The following MICAL3 variants were observed in gnomAD, a reference collection of about 807,000 sequenced individuals.
MICAL3 encodes the protein [F-actin]-monooxygenase MICAL3.
In MICAL3, 62 loss-of-function variants were observed where a neutral mutation model predicts 207.4. The observed-to-expected ratio is 0.30, with a 90% CI of 0.24 to 0.37. The LOEUF (loss-of-function observed/expected upper bound fraction) is 0.37. MICAL3 is among the 10% of genes least tolerant of loss of function. The pLI, the probability that MICAL3 is intolerant of heterozygous loss-of-function variation, is 1.00. For synonymous variants in MICAL3, 1,077 were observed against 1,069.3 expected (o/e 1.01, Z -0.14); for missense variants, 2,368 against 2,635.6 (o/e 0.90, Z 2.22).
At chr22:17,877,301 G>A (rs180788681) in intron 16 of MICAL3, among the ~76,000 whole-genome samples, 116 of 93,554 alleles carry the variant, frequency 1.2e-3, no homozygotes, top group African/African-American at 3.1e-3. Flanking sequence ...AGGTTAGGGA[G>A]GTTATGGAGG....
chr22:17,973,657 G>A (rs535788687), intron 1 of MICAL3, among the ~76,000 whole-genome samples: 57 of 152,312 alleles, frequency 3.7e-4, no homozygotes, highest in African/African-American at 1.3e-3. Context: ...GGCCAAGTGC[G>A]ATGGCTCACA....
chr22:17,817,894 G>A lies in MICAL3; in HGVS notation c.4767C>T (p.Ala1589=). ...KRGLPLVSAE[A]KELAEERMRA... Reference sequence around the variant, plus strand: ...GCATGCGCTCCTCGGCCAACTCCTTGGCTTCCGCGGACACCAAGGGCAGCC... The same window carrying A: ...GCATGCGCTCCTCGGCCAACTCCTTAGCTTCCGCGGACACCAAGGGCAGCC... The change falls in exon 26 of 32, where the codon GCC becomes GCT. Residue 1589 remains alanine (A), a synonymous_variant. Coordinates refer to ENST00000441493, the MANE Select transcript of MICAL3 (RefSeq NM_015241.3). 6.2e-7 allele frequency: 1 copy of A among 1,612,428 alleles called. No individual in the cohort carries two copies. The highest frequency in any genetic ancestry group is 1.3e-5 in the African/African-American group (1 of 75,038).
intron 27 of MICAL3, 191 bp from the exon 28 acceptor site, chr22:17,811,004 G>C (rs1043510284): frequency 5.4e-6 from 3 of 558,764 alleles, no homozygotes; most frequent in African/African-American, 3.8e-5. Flanking sequence ...GAAGGCATGA[G>C]GTCTGCAGAG....
chr22:17,895,503 C>G, intron 9 of MICAL3, 93 bp from the exon 10 acceptor site: 2 of 1,352,742 alleles, frequency 1.5e-6, no homozygotes, highest in Non-Finnish European at 2.1e-6. Flanking sequence ...CAGCAAGTCA[C>G]CTGACATGCC....
At chr22:17,967,463 AACACACACACACACAC>A in intron 1 of MICAL3, among the ~76,000 whole-genome samples, 1 of 126,136 alleles carries the variant, frequency 7.9e-6, no homozygotes, top group South Asian at 2.4e-4. Flanking sequence ...TGTACATGCA[AACACACACACACACAC>A]ACACACACAC....
chr22:17,851,994 C>G (rs898066869), intron 19 of MICAL3, among the ~76,000 whole-genome samples: 1 of 152,180 alleles, frequency 6.6e-6, no homozygotes, highest in Non-Finnish European at 1.5e-5. Flanking sequence ...ACTCCAGGCT[C>G]TATTCCAACC....
At chr22:17,846,008 G>A (rs1331952083) in intron 19 of MICAL3, among the ~76,000 whole-genome samples, 1 of 152,236 alleles carries the variant, frequency 6.6e-6, no homozygotes, top group Non-Finnish European at 1.5e-5. Flanking sequence ...TCTGGAAGGG[G>A]AAATGCTGAT....
At chr22:17,891,446 G>C in intron 12 of MICAL3, 39 bp downstream of exon 12, 1 of 1,601,998 alleles carries the variant, frequency 6.2e-7, no homozygotes, top group Non-Finnish European at 8.6e-7. Flanking sequence ...TGAGATCCTT[G>C]AGGAGTATAA....
Position 17,902,067 on chromosome 22 carries a change from G to A in MICAL3, c.590-88C>T. 1.1e-6 allele frequency: 1 copy of A among 927,952 alleles called. No homozygotes were observed. The allele number at this position is 927,952 out of a possible 1,614,324, so 57.5% of individuals were successfully genotyped here. ...CTCTAGATACCCAGTCATGTGAACT[G>A]CACAAAACCCTGGGCCAAAAACACT... On this transcript the variant is annotated intron_variant, in intron 4 of 31. Transcript: ENST00000441493. This position sits in a 1 kb window ranked among gnomAD's most constrained non-coding sequence, Gnocchi z 4.5.
At position 17,906,711 on chromosome 22, in the gene MICAL3, C is replaced by T; in HGVS notation, c.102G>A (p.Glu34=). The T allele has an allele frequency of 1.2e-6, 2 of 1,613,958 alleles. No homozygotes were observed. Among genetic ancestry groups the T allele is most frequent in the Non-Finnish European group, 8.5e-7 (1 of 1,179,890 alleles). ...GCTTTAGTTCCAGGTGGTCACAGAG[C>T]TCCTGGAAAGCCTTGAGGGTTCCCT... The part of the protein sequence containing the change: ...TCKGTLKAFQ[E]LCDHLELKPK... Residue 34 remains glutamate (E), a synonymous_variant, in exon 2 of 32, where the codon GAG becomes GAA. Coordinates refer to ENST00000441493, the MANE Select transcript of MICAL3 (RefSeq NM_015241.3).
chr22:17,994,716 T>C (rs1326997726), intron 1 of MICAL3, among the ~76,000 whole-genome samples: 1 of 139,888 alleles, frequency 7.1e-6, no homozygotes, highest in Non-Finnish European at 1.5e-5. Context: ...AGTAAGACTC[T>C]GTCTCAAAAA....
chr22:17,868,125 G>T (rs915492269), intron 17 of MICAL3, among the ~76,000 whole-genome samples: 1 of 152,104 alleles, frequency 6.6e-6, no homozygotes, highest in Admixed American at 6.6e-5. Context: ...TGTGATCTCC[G>T]TTCCAACACT....
At chr22:17,923,632 C>T (rs898194383) in intron 1 of MICAL3, among the ~76,000 whole-genome samples, 1 of 152,244 alleles carries the variant, frequency 6.6e-6, no homozygotes, top group African/African-American at 2.4e-5. Context: ...TTCTAAAGCA[C>T]TTGTCTAGTT....
intron 1 of MICAL3, among the ~76,000 whole-genome samples, chr22:17,963,912 C>T (rs952306315): frequency 1.3e-5 from 2 of 152,198 alleles, no homozygotes; most frequent in African/African-American, 2.4e-5. Context: ...ATTTTAAGGA[C>T]GTGGTCCCTA....
chr22:17,790,924 G>T lies in MICAL3; in HGVS notation c.5825-8C>A, dbSNP rs572038593. On this transcript the variant is annotated splice_region_variant and splice_polypyrimidine_tract_variant and intron_variant, in intron 31 of 31. Transcript: ENST00000441493. ...CCTCAGTCTTAAGGTGATCTTGAAG[G>T]AGAAGAAGGCATGAGGTGAGGGGCC... The T allele has an allele frequency of 8.1e-6, 13 of 1,613,486 alleles. No individual in the cohort carries two copies. The highest frequency in any genetic ancestry group is 1.0e-5 in the Non-Finnish European group (12 of 1,179,876).
chr22:17,942,621 C>T lies in MICAL3; in HGVS notation c.-74-35735G>A, dbSNP rs1933864271. On this transcript the variant is annotated intron_variant, in intron 1 of 31. Transcript: ENST00000441493. ...AGATCCCTGATGAAAAGGGAGCTTC[C>T]TGTAGGGGACTGCTGTAGGGCCACT... Among the ~76,000 whole-genome samples, 5 of 152,202 alleles carry T rather than the reference C, an allele frequency of 3.3e-5. No individual in the cohort carries two copies. In the South Asian group the frequency reaches 1.0e-3, roughly 31 times the overall value.
At chr22:17,810,946 T>C in intron 27 of MICAL3, 133 bp from the exon 28 acceptor site, 1 of 684,358 alleles carries the variant, frequency 1.5e-6, no homozygotes, top group Admixed American at 2.2e-5. Context: ...TAGGACAAGC[T>C]GTCCTCTGTA....
Position 17,822,929 on chromosome 22 carries a change from G to C in MICAL3, c.3307+18C>G. The C allele has an allele frequency of 1.3e-6, 2 of 1,535,814 alleles. No individual in the cohort carries two copies. Among genetic ancestry groups the C allele is most frequent in the Non-Finnish European group, 1.8e-6 (2 of 1,111,040 alleles). ...TCCCTGAGCTCCCACCACAGGGGCG[G>C]GGAGGGCGGACCCCTACCATCATCC... On this transcript the variant is annotated intron_variant, in intron 23 of 31. Coordinates refer to ENST00000441493, the MANE Select transcript of MICAL3 (RefSeq NM_015241.3).
intron 19 of MICAL3, among the ~76,000 whole-genome samples, chr22:17,851,153 T>C (rs970268338): frequency 2.1e-4 from 32 of 152,200 alleles, no homozygotes; most frequent in Non-Finnish European, 4.6e-4. Context: ...GCGCTGGGAT[T>C]TGAAATATTT....
Sources: gnomAD v4.1 joint callset for allele counts (sites outside exome capture counted in the v4.1 genomes callset) on GRCh38, gnomAD v4.1.1 for gene constraint, Gnocchi (gnomAD v3.1) non-coding constraint, MANE v1.5 for transcripts, NCBI Gene and HGNC (gene_info 2026-07-23, HGNC 2026-07-21) for gene names.